Variants in TTN observed in about 807,000 individuals in gnomAD.
TTN encodes the protein titin, also known as connectin.
TTN carries 1,525 observed loss-of-function variants against 3,223.0 expected under a neutral mutation model. That is an observed-to-expected ratio of 0.47 (90% CI 0.45 to 0.49). TTN has a LOEUF of 0.49. Among genes scored for constraint, TTN ranks in the 20% least tolerant of loss-of-function variants. The pLI is 0.00. For synonymous variants in TTN, 14,094 were observed against 15,161.0 expected (o/e 0.93, Z 5.17); for missense variants, 40,786 against 43,424.0 (o/e 0.94, Z 5.40).
At chr2:178,746,670 T>C in intron 47 of TTN, 2 of 1,613,308 alleles carry the variant, frequency 1.2e-6, no homozygotes, top group South Asian at 2.2e-5. Flanking sequence ...TTTTGAATGT[T>C]AGAAATTTCC....
intron 117 of TTN, 65 bp downstream of exon 117, chr2:178,694,534 T>C: frequency 8.5e-7 from 1 of 1,176,058 alleles, no homozygotes; most frequent in Admixed American, 2.4e-5. Flanking sequence ...GCAATATATG[T>C]ACACATGTCC....
At position 178,792,208 on chromosome 2, in the gene TTN, T is replaced by A; in HGVS notation, c.1537-11A>T. 6.3e-7 allele frequency: 1 copy of A among 1,599,838 alleles called. No individual in the cohort carries two copies. On this transcript the variant is annotated splice_polypyrimidine_tract_variant and intron_variant, in intron 9 of 362. Coordinates refer to ENST00000589042, the MANE Select transcript of TTN (RefSeq NM_001267550.2). ...AGTTTCTTTTCTTATCTGCAAAGAA[T>A]GATTTAAGAAAAAACTTTATTTCCT...
At position 178,725,788 on chromosome 2, in the gene TTN, ACACAAG is replaced by A; in HGVS notation, c.20528_20533del (p.Thr6843_Val6845delinsIle). ...TTTACCTTTCAATTTTACAGTACAA[ACACAAG>A]TATCACTTCCCACTTCATTCTGTGC... On this transcript the variant is annotated inframe_deletion, in exon 70 of 363. Coordinates refer to ENST00000589042, the MANE Select transcript of TTN (RefSeq NM_001267550.2). 6.2e-7 allele frequency: 1 copy of A among 1,603,812 alleles called. No homozygotes were observed. Among genetic ancestry groups the A allele is most frequent in the Non-Finnish European group, 8.5e-7 (1 of 1,173,730 alleles).
intron 92 of TTN, chr2:178,713,621 G>A (rs993366037): frequency 2.0e-5 from 14 of 696,634 alleles, no homozygotes; most frequent in Middle Eastern, 8.1e-4. Flanking sequence ...ATTATGTGGT[G>A]AATTATTTCA....
chr2:178,735,972 T>G lies in TTN; in HGVS notation c.14474A>C (p.Glu4825Ala), dbSNP rs769228664. ...AGCACCATCTTTCTGCCAAATGGTT[T>G]CTATCACAGGAGTCCCTGTCACTGT... ...ICTVTGTPVIETIWQKDGAAL... is the reference protein window; with the variant it reads ...ICTVTGTPVIATIWQKDGAAL... Residue 4825 changes from glutamate (E) to alanine (A), a missense_variant, in exon 50 of 363, where the codon GAA (glutamate) becomes GCA (alanine). Glu to Ala is a moderately radical substitution (Grantham distance 107, BLOSUM62 -1). Coordinates refer to ENST00000589042, the MANE Select transcript of TTN (RefSeq NM_001267550.2). The G allele has an allele frequency of 6.2e-7, 1 of 1,613,864 alleles. No homozygotes were observed. The highest frequency in any genetic ancestry group is 1.7e-5 in the Admixed American group (1 of 60,000).
chr2:178,578,292 C>A, intron 321 of TTN, 107 bp from the exon 322 acceptor site: 1 of 1,030,860 alleles, frequency 9.7e-7, no homozygotes, highest in Non-Finnish European at 1.4e-6. Context: ...AACAAGTAGT[C>A]ATTCTTGCTA....
chr2:178,802,387 A>G, intron 2 of TTN, 46 bp from the exon 3 acceptor site: 1 of 1,580,002 alleles, frequency 6.3e-7, no homozygotes, highest in Non-Finnish European at 8.6e-7. Context: ...TGGGCACCAC[A>G]AAGTCCTCTG....
intron 47 of TTN, chr2:178,750,925 A>G (rs977327687): frequency 1.2e-6 from 2 of 1,612,828 alleles, no homozygotes; most frequent in Non-Finnish European, 1.7e-6. Context: ...CTAGAATTTC[A>G]CCATATAAAT....
chr2:178,645,758 A>C, intron 217 of TTN, 162 bp downstream of exon 217: 1 of 408,398 alleles, frequency 2.4e-6, no homozygotes, highest in Non-Finnish European at 4.3e-6. Flanking sequence ...CAACCCAGGA[A>C]CCATGGGGCA....
chr2:178,584,510 C>A lies in TTN; in HGVS notation c.65041G>T (p.Asp21681Tyr). Residue 21681 changes from aspartate (D) to tyrosine (Y), a missense_variant, in exon 311 of 363, where the codon GAC becomes TAC. By Grantham distance (160) the Asp-to-Tyr change is radical (BLOSUM62 -3). Coordinates refer to ENST00000589042, the MANE Select transcript of TTN (RefSeq NM_001267550.2). The part of the protein sequence containing the change: ...VNKDCIFVAW[D>Y]RPDSDGGSPI... ...CTCCCTCCATCACTATCTGGTCTGTCCCAAGCAACAAAAATACAGTCCTTG... is the reference window on the plus strand; with the variant it reads ...CTCCCTCCATCACTATCTGGTCTGTACCAAGCAACAAAAATACAGTCCTTG... 6.2e-7 allele frequency: 1 copy of A among 1,613,242 alleles called. No homozygotes were observed. The highest frequency in any genetic ancestry group is 1.1e-5 in the South Asian group (1 of 91,054).
chr2:178,760,162 A>G (rs2088660963), intron 43 of TTN, among the ~76,000 whole-genome samples: 1 of 152,182 alleles, frequency 6.6e-6, no homozygotes, highest in Non-Finnish European at 1.5e-5. Flanking sequence ...CCATGATGGT[A>G]GATGTGTATA....
intron 147 of TTN, among the ~76,000 whole-genome samples, chr2:178,676,283 T>G (rs907860496): frequency 6.6e-6 from 1 of 151,920 alleles, no homozygotes; most frequent in African/African-American, 2.4e-5. Flanking sequence ...ACCAACCTAA[T>G]ATCATTTCAT....
At position 178,608,904 on chromosome 2, in the gene TTN, T is replaced by C; in HGVS notation, c.52107A>G (p.Thr17369=). 1.9e-6 allele frequency: 3 copies of C among 1,607,626 alleles called. No individual in the cohort carries two copies. The highest frequency in any genetic ancestry group is 1.7e-6 in the Non-Finnish European group (2 of 1,178,846). The change falls in exon 274 of 363, where the codon ACA becomes ACG. Residue 17369 remains threonine (T), a synonymous_variant. Transcript: ENST00000589042. ...KAPCTVSVLD[T]PGPPINFVFE... is the part of the protein sequence containing the mutation. ...ATACAAAGTTGATTGGTGGTCCCGG[T>C]GTATCTAATATTTCAGAAGAGAACA...
Position 178,719,726 on chromosome 2 carries a change from C to A in TTN, c.23766G>T (p.Trp7922Cys), listed in dbSNP as rs1342595109. Residue 7922 changes from tryptophan (W) to cysteine (C), a missense_variant, in exon 82 of 363, where the codon TGG becomes TGT. Transcript: ENST00000589042. The part of the protein sequence containing the change: ...VTGTPELSAK[W>C]FKDGRELSAD... ...CAGACAATTCTCTTCCATCTTTGAACCACTTGGCTGAGAGTTCTGGTGTTC... is the reference window on the plus strand; with the variant it reads ...CAGACAATTCTCTTCCATCTTTGAAACACTTGGCTGAGAGTTCTGGTGTTC... 3 of 1,613,694 alleles carry A rather than the reference C, an allele frequency of 1.9e-6. No homozygotes were observed. The highest frequency in any genetic ancestry group is 1.7e-4 in the Middle Eastern group (1 of 6,058).
chr2:178,633,533 A>C lies in TTN; in HGVS notation c.42826T>G (p.Ser14276Ala). 2.5e-6 allele frequency: 4 copies of C among 1,613,336 alleles called. No individual in the cohort carries two copies. The highest frequency in any genetic ancestry group is 3.4e-6 in the Non-Finnish European group (4 of 1,179,594). ...CGGCGCAGGCCATCTGCCTTGATAG[A>C]ATATTTGGGTGAAGGGACAATCTCT... ...GEEIVPSPKY[S>A]IKADGLRRIL... The change falls in exon 232 of 363, where the codon TCT becomes GCT. Residue 14276 changes from serine to alanine, a missense_variant. Ser to Ala is a moderately conservative substitution (Grantham distance 99, BLOSUM62 1). Coordinates refer to ENST00000589042, the MANE Select transcript of TTN (RefSeq NM_001267550.2).
chr2:178,677,828 C>T lies in TTN; in HGVS notation c.34084G>A (p.Glu11362Lys). The T allele has an allele frequency of 6.2e-7, 1 of 1,612,990 alleles. No homozygotes were observed. Among genetic ancestry groups the T allele is most frequent in the Non-Finnish European group, 8.5e-7 (1 of 1,179,282 alleles). The change falls in exon 146 of 363, where the codon GAA (glutamate) becomes AAA (lysine). Residue 11362 changes from glutamate to lysine, a missense_variant. Glu to Lys is a moderately conservative substitution (Grantham distance 56). Coordinates refer to ENST00000589042, the MANE Select transcript of TTN (RefSeq NM_001267550.2). Reference protein sequence around the residue: ...LFEEEIVPEEEVLPEEEEVLP... With the variant: ...LFEEEIVPEEKVLPEEEEVLP... ...ACTTCCTCTTCCTCAGGTAGAACTT[C>T]CTCTTCAGGAACAATTTCTTCTTCA...
chr2:178,614,865 G>T lies in TTN; in HGVS notation c.48742C>A (p.Gln16248Lys), dbSNP rs890836589. ...TAGATACCTTGTGTGTCCACAGCCT[G>T]GATTTCCTCTGTGGGTCTGCTTGGT... The part of the protein sequence containing the change: ...SKPSRPTEEI[Q>K]AVDTQEAPEI... The change falls in exon 260 of 363, where the codon CAG becomes AAG. Residue 16248 changes from glutamine to lysine, a missense_variant. Coordinates refer to ENST00000589042, the MANE Select transcript of TTN (RefSeq NM_001267550.2). 21 of 1,573,176 alleles carry T rather than the reference G, an allele frequency of 1.3e-5. No individual in the cohort carries two copies. Among genetic ancestry groups the T allele is most frequent in the Non-Finnish European group, 1.7e-5 (20 of 1,157,902 alleles).
chr2:178,712,282 A>G, intron 95 of TTN, 33 bp downstream of exon 95: 1 of 1,609,226 alleles, frequency 6.2e-7, no homozygotes, highest in Non-Finnish European at 8.5e-7. Context: ...CATCGATTGT[A>G]TACAAAGATA....
chr2:178,742,758 T>C (rs190110358), intron 47 of TTN: 10 of 152,202 alleles, frequency 6.6e-5, no homozygotes, highest in Non-Finnish European at 1.0e-4. Context: ...CTCTTAGCTA[T>C]GTAGAACAGG....
Sources: gnomAD v4.1 joint callset for allele counts (sites outside exome capture counted in the v4.1 genomes callset) on GRCh38, gnomAD v4.1.1 for gene constraint, MANE v1.5 for transcripts, NCBI Gene and HGNC (gene_info 2026-07-23, HGNC 2026-07-21) for gene names.